The following SGMS2 variants were observed in gnomAD, a reference collection of about 807,000 sequenced individuals.
The protein encoded by SGMS2 is phosphatidylcholine:ceramide cholinephosphotransferase 2.
In SGMS2, 21 loss-of-function variants were observed where a neutral mutation model predicts 43.8. That is an observed-to-expected ratio of 0.48 (90% CI 0.34 to 0.69). The LOEUF is 0.69. Among genes scored for constraint, SGMS2 ranks in the 30% least tolerant of loss-of-function variants. SGMS2 has a pLI of 0.01. For missense variants in SGMS2, 384 were observed against 443.2 expected, an observed-to-expected ratio of 0.87 and a Z score of 1.20; for synonymous variants, 167 against 160.6, an observed-to-expected ratio of 1.04 and a Z score of -0.30.
intron 4 of SGMS2, among the ~76,000 whole-genome samples, chr4:107,902,016 C>T (rs1022156104): frequency 2.0e-5 from 3 of 151,928 alleles, no homozygotes; most frequent in Non-Finnish European, 4.4e-5. Context: ...AAGTGATTCT[C>T]CTGCCTCAGC....
intron 2 of SGMS2, chr4:107,893,142 G>A (rs893692768): frequency 1.3e-5 from 2 of 152,098 alleles, no homozygotes; most frequent in African/African-American, 4.8e-5. Context: ...AGTCCCATGA[G>A]GTGGGTGGCT....
Position 107,899,699 on chromosome 4 carries a change from A to G in SGMS2, c.573+7A>G, listed in dbSNP as rs2126132010. The G allele has an allele frequency of 6.3e-7, 1 of 1,585,758 alleles. No homozygotes were observed. ...TTTCCAGTGTGCTCCAAAGGTCAGTACCTCCAAACTGCCACTTAGAAGAAA... is the reference window on the plus strand; with the variant it reads ...TTTCCAGTGTGCTCCAAAGGTCAGTGCCTCCAAACTGCCACTTAGAAGAAA... On this transcript the variant is annotated splice_region_variant and intron_variant, in intron 4 of 6. Transcript: ENST00000690982.
At chr4:107,886,712 G>A (rs2126097338) in intron 2 of SGMS2, 1 of 152,116 alleles carries the variant, frequency 6.6e-6, no homozygotes, top group South Asian at 2.1e-4. Context: ...CATGTATGAG[G>A]CCAGTTTTCC....
chr4:107,903,515 A>ATGTATG (rs1560673964), intron 5 of SGMS2, 129 bp downstream of exon 5: 1 of 725,804 alleles, frequency 1.4e-6, no homozygotes, highest in Non-Finnish European at 2.2e-6. Context: ...GTGTGTATAT[A>ATGTATG]TGTATGTGAA....
chr4:107,910,267 C>T, intron 6 of SGMS2, 83 bp from the exon 7 acceptor site: 1 of 1,160,642 alleles, frequency 8.6e-7, no homozygotes, highest in Non-Finnish European at 1.3e-6. Context: ...CCCTAGGTTA[C>T]AGTGAATGAC....
At chr4:107,897,775 T>G (rs1730799399) in intron 3 of SGMS2, among the ~76,000 whole-genome samples, 1 of 152,188 alleles carries the variant, frequency 6.6e-6, no homozygotes, top group African/African-American at 2.4e-5. Context: ...GAATTGGATC[T>G]TACATTTTAG....
intron 2 of SGMS2, among the ~76,000 whole-genome samples, chr4:107,884,182 C>T (rs1358222943): frequency 1.3e-5 from 2 of 152,164 alleles, no homozygotes; most frequent in African/African-American, 4.8e-5. Flanking sequence ...AGCTAGACAA[C>T]TTAAACTTCA....
chr4:107,856,676 A>G (rs1377081500), intron 1 of SGMS2, among the ~76,000 whole-genome samples: 2 of 152,166 alleles, frequency 1.3e-5, no homozygotes, highest in Non-Finnish European at 2.9e-5. Context: ...ATCTTTCCAG[A>G]GGGGTAAACA....
chr4:107,832,964 G>A (rs1210784919), intron 1 of SGMS2, among the ~76,000 whole-genome samples: 1 of 152,168 alleles, frequency 6.6e-6, no homozygotes, highest in African/African-American at 2.4e-5. Flanking sequence ...GGAGGCTGAG[G>A]CTGCAGTGAG....
intron 1 of SGMS2, among the ~76,000 whole-genome samples, chr4:107,853,192 A>G (rs1376726538): frequency 1.3e-5 from 2 of 152,194 alleles, no homozygotes; most frequent in Non-Finnish European, 1.5e-5. Flanking sequence ...GGAAGACCTA[A>G]CAGAAACTGT....
Position 107,895,718 on chromosome 4 carries a change from G to A in SGMS2, c.165G>A (p.Lys55=). The A allele has an allele frequency of 1.9e-6, 3 of 1,613,976 alleles. No individual in the cohort carries two copies. Among genetic ancestry groups the A allele is most frequent in the Non-Finnish European group, 2.5e-6 (3 of 1,179,948 alleles). The part of the protein sequence containing the change: ...LSSGLRKGTK[K]YPDYIQIAMP... ...GTGGGCTGCGAAAAGGCACCAAAAA[G>A]TACCCGGACTATATCCAAATTGCTA... The change falls in exon 3 of 7, where the codon AAG becomes AAA. Residue 55 remains lysine, a synonymous_variant. Coordinates refer to ENST00000690982, the MANE Select transcript of SGMS2 (RefSeq NM_001375905.1).
At chr4:107,839,687 T>G (rs1483436600) in intron 1 of SGMS2, among the ~76,000 whole-genome samples, 1 of 152,194 alleles carries the variant, frequency 6.6e-6, no homozygotes, top group Admixed American at 6.5e-5. Flanking sequence ...GATTCTGATC[T>G]TATTGGAGAT....
At chr4:107,880,585 A>T (rs990321324) in intron 2 of SGMS2, among the ~76,000 whole-genome samples, 10 of 152,066 alleles carry the variant, frequency 6.6e-5, no homozygotes, top group East Asian at 3.9e-4. Flanking sequence ...GCCGGGTGCG[A>T]TGGCTCACAC....
intron 5 of SGMS2, among the ~76,000 whole-genome samples, chr4:107,905,180 C>T (rs967351150): frequency 6.6e-6 from 1 of 152,174 alleles, no homozygotes; most frequent in Non-Finnish European, 1.5e-5. Flanking sequence ...ACTCACAGTT[C>T]CACGTGGCTG....
In SGMS2 at chr4:107,878,122, G is replaced by T. The variant is rs1729072841; in HGVS notation, c.-244-17188G>T. ...GTAGAGATGGGGTTTCACCATGTTG[G>T]CCAGGATGATCTCAATATCCTGACC... On this transcript the variant is annotated intron_variant, in intron 2 of 6. Coordinates refer to ENST00000690982, the MANE Select transcript of SGMS2 (RefSeq NM_001375905.1). Among the ~76,000 whole-genome samples the T allele has an allele frequency of 1.3e-5, 2 of 151,898 alleles. 1 individual carries two copies. Among genetic ancestry groups the T allele is most frequent in the South Asian group, 4.1e-4 (2 of 4,822 alleles).
chr4:107,828,155 C>T (rs1403061625), intron 1 of SGMS2, among the ~76,000 whole-genome samples: 2 of 152,084 alleles, frequency 1.3e-5, no homozygotes, highest in African/African-American at 4.8e-5. Context: ...AACAAATCAG[C>T]CATAATCTCA....
At chr4:107,886,278 C>T (rs543191088) in intron 2 of SGMS2, among the ~76,000 whole-genome samples, 1 of 151,736 alleles carries the variant, frequency 6.6e-6, no homozygotes, top group African/African-American at 2.4e-5. Context: ...CTGCTCACTG[C>T]AGCCTCAACC....
At chr4:107,870,894 TAG>T (rs925950757) in intron 2 of SGMS2, among the ~76,000 whole-genome samples, 88 of 152,258 alleles carry the variant, frequency 5.8e-4, no homozygotes, top group African/African-American at 1.8e-3. Flanking sequence ...TTTATTTATA[TAG>T]AGTCATCAAT....
rs1252780791 is a variant in SGMS2, at chr4:107,857,133, C to T, written c.-326-1339C>T. Among the ~76,000 whole-genome samples the T allele has an allele frequency of 2.0e-5, 3 of 152,188 alleles. No homozygotes were observed. The East Asian group carries it at 5.8e-4, about 29-fold the overall frequency. On this transcript the variant is annotated intron_variant, in intron 1 of 6. Coordinates refer to ENST00000690982, the MANE Select transcript of SGMS2 (RefSeq NM_001375905.1). ...ATCATATAACATGTGGTCTTTGTGACTGGCTTCTTTCACTTAGAATAATGT... is the reference window on the plus strand; with the variant it reads ...ATCATATAACATGTGGTCTTTGTGATTGGCTTCTTTCACTTAGAATAATGT...
Sources: allele counts gnomAD v4.1 joint callset (sites outside exome capture counted in the v4.1 genomes callset), GRCh38; gene constraint gnomAD v4.1.1; transcripts MANE v1.5; gene names NCBI Gene and HGNC (gene_info 2026-07-23, HGNC 2026-07-21).